CCDC3: variants seen among roughly 807,000 people sequenced by gnomAD.
The protein encoded by CCDC3 is coiled-coil domain-containing protein 3.
Under a neutral mutation model 21.4 loss-of-function variants are expected in CCDC3, and 24 were observed. That is an observed-to-expected ratio of 1.12 (90% CI 0.81 to 1.58). The LOEUF (loss-of-function observed/expected upper bound fraction) is 1.58. Ranked by LOEUF, CCDC3 falls within the 40% of genes most tolerant of loss-of-function variation. The pLI, the probability that CCDC3 is intolerant of heterozygous loss-of-function variation, is 0.00. For synonymous variants in CCDC3, 186 were observed against 166.0 expected, an observed-to-expected ratio of 1.12 and a Z score of -0.93; for missense variants, 425 against 360.9, an observed-to-expected ratio of 1.18 and a Z score of -1.44.
intron 2 of CCDC3, among the ~76,000 whole-genome samples, chr10:12,930,639 T>C (rs1006478447): frequency 1.3e-5 from 2 of 152,300 alleles, no homozygotes; most frequent in Non-Finnish European, 2.9e-5. Flanking sequence ...GGCAATGTCA[T>C]TGCCCTGGGG....
At chr10:12,939,439 A>G (rs1370192191) in intron 2 of CCDC3, among the ~76,000 whole-genome samples, 2 of 152,222 alleles carry the variant, frequency 1.3e-5, no homozygotes, top group Non-Finnish European at 2.9e-5. Context: ...CCTGGGCAAC[A>G]TGGTACAAAC....
rs1013402021 is a variant in CCDC3 at position 12,896,716 on chromosome 10, T to C, written c.*1700A>G. On this transcript the variant is annotated 3_prime_UTR_variant, in exon 3 of 3. Coordinates refer to ENST00000378825, the MANE Select transcript of CCDC3 (RefSeq NM_031455.4). Reference sequence around the variant, plus strand: ...CTTCCATGGTTCTCCAAGCACGGGCTGTACATTACCCTTAGGCTGACCATT... The same window carrying C: ...CTTCCATGGTTCTCCAAGCACGGGCCGTACATTACCCTTAGGCTGACCATT... 2.0e-5 allele frequency: 3 copies of C among 152,752 alleles called. No individual in the cohort carries two copies. Among genetic ancestry groups the C allele is most frequent in the Admixed American group, 6.5e-5 (1 of 15,286 alleles). 9.5% of individuals were successfully genotyped at this position (152,752 alleles called of 1,614,324 possible).
At chr10:13,064,587 G>C (rs1159334463) in intron 4 of CCDC3, among the ~76,000 whole-genome samples, 3 of 151,962 alleles carry the variant, frequency 2.0e-5, no homozygotes, top group Non-Finnish European at 2.9e-5. Context: ...ATGTACACTG[G>C]TCCTGGCTAA....
intron 5 of CCDC3, among the ~76,000 whole-genome samples, chr10:13,040,687 T>TCTCACACACACACACACA (rs1554763771): frequency 7.0e-6 from 1 of 142,752 alleles, no homozygotes; most frequent in East Asian, 2.0e-4. Context: ...CAAAACTCTG[T>TCTCACACACACACACACA]CACACACACA....
chr10:12,962,194 A>G (rs1835188972), intron 2 of CCDC3, among the ~76,000 whole-genome samples: 1 of 152,200 alleles, frequency 6.6e-6, no homozygotes, highest in Non-Finnish European at 1.5e-5. Flanking sequence ...TGTCACATAG[A>G]CACCCTCCCT....
At chr10:12,999,975 A>C (rs1835821541) in intron 1 of CCDC3, among the ~76,000 whole-genome samples, 1 of 152,254 alleles carries the variant, frequency 6.6e-6, no homozygotes. Flanking sequence ...CACTCAAGCC[A>C]ACACAAAGCA....
chr10:13,059,748 T>G (rs1270162773), intron 4 of CCDC3, among the ~76,000 whole-genome samples: 1 of 152,168 alleles, frequency 6.6e-6, no homozygotes, highest in Non-Finnish European at 1.5e-5. Context: ...ATTTCTCTTG[T>G]GCATTCTCAC....
exon 1 of CCDC3, chr10:13,099,531 G>A (rs1365974133): frequency 6.6e-6 from 1 of 151,620 alleles, no homozygotes; most frequent in South Asian, 2.1e-4. Context: ...TCTAATCCGG[G>A]GGCAGCTTCC....
intron 2 of CCDC3, among the ~76,000 whole-genome samples, chr10:12,970,981 T>G (rs961453130): frequency 9.2e-5 from 14 of 152,200 alleles, no homozygotes; most frequent in African/African-American, 3.4e-4. Flanking sequence ...CCCTTCTACT[T>G]CTCAACGTTC....
chr10:12,974,217 C>A (rs1835382183), intron 2 of CCDC3, among the ~76,000 whole-genome samples: 1 of 152,226 alleles, frequency 6.6e-6, no homozygotes, highest in Non-Finnish European at 1.5e-5. Flanking sequence ...GAGAAAAACT[C>A]ATCACATGCA....
At position 13,074,939 on chromosome 10, in the gene CCDC3, T is replaced by A. The variant is rs1836943113; in HGVS notation, c.-502-839A>T. On this transcript the variant is annotated intron_variant, in intron 3 of 6. Transcript: ENST00000378839. ...AGTGCCTTCTTTAAGATGCTGGCCCTATAGAAATAGATTTCATGTTTTCCA... is the reference window on the plus strand; with the variant it reads ...AGTGCCTTCTTTAAGATGCTGGCCCAATAGAAATAGATTTCATGTTTTCCA... Among the ~76,000 whole-genome samples, 2 of 152,232 alleles carry A rather than the reference T, an allele frequency of 1.3e-5. 1 individual carries two copies. The highest frequency in any genetic ancestry group is 4.1e-4 in the South Asian group (2 of 4,834).
chr10:12,927,139 C>G (rs1299960535), intron 2 of CCDC3, among the ~76,000 whole-genome samples: 1 of 152,132 alleles, frequency 6.6e-6, no homozygotes, highest in African/African-American at 2.4e-5. Context: ...ATGGAAATTT[C>G]CGAACACACA....
intron 2 of CCDC3, among the ~76,000 whole-genome samples, chr10:12,960,064 G>A (rs1044169449): frequency 6.6e-6 from 1 of 152,090 alleles, no homozygotes; most frequent in Non-Finnish European, 1.5e-5. Flanking sequence ...TGAGGCAGAA[G>A]AATCACTTGA....
At chr10:12,983,139 TATATATATATATATATATATATA>T (rs1564308463) in intron 2 of CCDC3, among the ~76,000 whole-genome samples, 3,286 of 18,422 alleles carry the variant, frequency 0.18, 128 homozygotes, top group African/African-American at 0.31. Flanking sequence ...TGTATATATA[TATATATATATATATATATATATA>T]TATATATATA....
Position 13,096,478 on chromosome 10 carries a change from C to T in CCDC3, c.-503+2047G>A, listed in dbSNP as rs114767285. Among the ~76,000 whole-genome samples, 1,142 of 152,244 alleles carry T rather than the reference C, an allele frequency of 7.5e-3. 16 individuals carry two copies. The highest frequency in any genetic ancestry group is 0.026 in the African/African-American group (1,094 of 41,554). ...TGAGCCACCGCCCTGGGCCTCTTTA[C>T]TTTCTTTAAACCCAGTTCTGCAGGG... On this transcript the variant is annotated intron_variant, in intron 3 of 6. Coordinates refer to the CCDC3 transcript ENST00000378839.
At chr10:12,948,471 A>G (rs982524766) in intron 2 of CCDC3, among the ~76,000 whole-genome samples, 82 of 102,622 alleles carry the variant, frequency 8.0e-4, no homozygotes, top group Non-Finnish European at 1.3e-3. Context: ...ACAATTGCAC[A>G]CACACACACA....
At chr10:13,053,707 G>A (rs1337067640) in intron 4 of CCDC3, among the ~76,000 whole-genome samples, 10 of 152,176 alleles carry the variant, frequency 6.6e-5, no homozygotes, top group Non-Finnish European at 1.5e-4. Context: ...CTTAAAACCT[G>A]AGCCTGATGC....
chr10:12,966,866 A>C (rs1410965007), intron 2 of CCDC3, among the ~76,000 whole-genome samples: 1 of 152,214 alleles, frequency 6.6e-6, no homozygotes, highest in East Asian at 1.9e-4. Flanking sequence ...ACAATGTTCA[A>C]AACAGTTTCC....
chr10:13,095,037 A>C (rs150780841), intron 3 of CCDC3, among the ~76,000 whole-genome samples: 94 of 152,248 alleles, frequency 6.2e-4, no homozygotes, highest in Non-Finnish European at 1.1e-3. Flanking sequence ...GGCTTCAACC[A>C]TACACCTTGC....
Sources: allele counts gnomAD v4.1 joint callset (sites outside exome capture counted in the v4.1 genomes callset), GRCh38; gene constraint gnomAD v4.1.1; transcripts MANE v1.5; gene names NCBI Gene and HGNC (gene_info 2026-07-23, HGNC 2026-07-21).